The following C12orf42 variants were observed in gnomAD, a reference collection of about 807,000 sequenced individuals.
C12orf42 encodes the protein chromosome 12 open reading frame 42.
Under a neutral mutation model 21.6 loss-of-function variants are expected in C12orf42, and 25 were observed. The ratio of observed to expected loss-of-function variants is 1.16; its 90% CI spans 0.84 to 1.62. The LOEUF is 1.62. Ranked by LOEUF, C12orf42 falls within the 40% of genes most tolerant of loss-of-function variation. The pLI is 0.00. For missense variants in C12orf42, 483 were observed against 459.3 expected (o/e 1.05, Z -0.47); for synonymous variants, 174 against 175.0 (o/e 0.99, Z 0.05).
At chr12:103,176,598 A>G in the C12orf42 span, among the ~76,000 whole-genome samples, 2 of 152,188 alleles carry the variant, frequency 1.3e-5, no homozygotes, top group East Asian at 3.9e-4. Flanking sequence ...CTTTTGTGGT[A>G]TCACTATTAT....
chr12:103,539,545 G>A, the C12orf42 span, among the ~76,000 whole-genome samples: 1 of 151,374 alleles, frequency 6.6e-6, no homozygotes, highest in Non-Finnish European at 1.5e-5. Context: ...TATATCTTAT[G>A]TCATGTATGT....
rs190873407 is a variant in C12orf42 at position 103,346,587 on chromosome 12, T to C, written c.259+22300A>G. ...TGAAATAAAGTGAGTCTCTAGTAGATGTAATTAGCAGAGAAAAGTTGTTAC... is the reference window on the plus strand; with the variant it reads ...TGAAATAAAGTGAGTCTCTAGTAGACGTAATTAGCAGAGAAAAGTTGTTAC... On this transcript the variant is annotated intron_variant, in intron 4 of 5. Transcript: ENST00000548883. Among the ~76,000 whole-genome samples, 79 of 152,306 alleles carry C rather than the reference T, an allele frequency of 5.2e-4. 1 individual carries two copies. The highest frequency in any genetic ancestry group is 1.2e-3 in the Admixed American group (18 of 15,296).
the C12orf42 span, among the ~76,000 whole-genome samples, chr12:103,193,779 A>G: frequency 6.6e-6 from 1 of 152,154 alleles, no homozygotes; most frequent in Admixed American, 6.5e-5. Flanking sequence ...AAAAAGAATT[A>G]ATACCAATCA....
At chr12:103,280,172 T>G (rs972574925) in intron 4 of C12orf42, among the ~76,000 whole-genome samples, 3 of 152,174 alleles carry the variant, frequency 2.0e-5, no homozygotes, top group South Asian at 2.1e-4. Context: ...TTACCCACAT[T>G]TTGTAGGCAA....
At chr12:103,552,152 G>A in the C12orf42 span, among the ~76,000 whole-genome samples, 2 of 152,090 alleles carry the variant, frequency 1.3e-5, no homozygotes, top group Non-Finnish European at 2.9e-5. Flanking sequence ...GTTTGTTATA[G>A]GAACTTATAT....
At chr12:103,546,072 TGA>T in the C12orf42 span, among the ~76,000 whole-genome samples, 1 of 152,144 alleles carries the variant, frequency 6.6e-6, no homozygotes, top group Non-Finnish European at 1.5e-5. Flanking sequence ...GTTTAAACAC[TGA>T]GAGAAAGTAT....
At chr12:103,247,008 TTTA>T (rs1349063623) in intron 10 of C12orf42, among the ~76,000 whole-genome samples, 2 of 152,074 alleles carry the variant, frequency 1.3e-5, no homozygotes, top group African/African-American at 4.8e-5. Flanking sequence ...TTTGCAATAA[TTTA>T]TTTCATTTTA....
intron 1 of C12orf42, among the ~76,000 whole-genome samples, chr12:103,489,405 G>C (rs573406754): frequency 1.1e-4 from 17 of 152,354 alleles, no homozygotes; most frequent in African/African-American, 3.8e-4. Flanking sequence ...CTACACAGGG[G>C]TCAGGGACTC....
the C12orf42 span, among the ~76,000 whole-genome samples, chr12:103,186,349 A>T: frequency 6.6e-6 from 1 of 152,202 alleles, no homozygotes; most frequent in Non-Finnish European, 1.5e-5. Flanking sequence ...GTTTTCCAGG[A>T]GTATTCCTTC....
the C12orf42 span, among the ~76,000 whole-genome samples, chr12:103,228,605 C>A: frequency 6.6e-6 from 1 of 152,062 alleles, no homozygotes; most frequent in Non-Finnish European, 1.5e-5. Context: ...CAGGGCCTTG[C>A]AGGTGAGACT....
chr12:103,130,036 A>C, the C12orf42 span, among the ~76,000 whole-genome samples: 1 of 152,110 alleles, frequency 6.6e-6, no homozygotes, highest in Admixed American at 6.5e-5. Context: ...AAAATTGCCT[A>C]TCCCAAAGAT....
chr12:103,057,961 CTT>C, the C12orf42 span, among the ~76,000 whole-genome samples: 19 of 141,042 alleles, frequency 1.3e-4, no homozygotes, highest in Admixed American at 2.1e-4. Context: ...TGATAATGAG[CTT>C]TTTTTTTTTT....
chr12:103,108,032 A>C, the C12orf42 span, among the ~76,000 whole-genome samples: 1 of 151,524 alleles, frequency 6.6e-6, no homozygotes, highest in African/African-American at 2.4e-5. Context: ...TTAAAGAAAA[A>C]ATAGAAGACA....
intron 5 of C12orf42, among the ~76,000 whole-genome samples, chr12:103,305,497 A>G (rs370646356): frequency 2.0e-5 from 3 of 152,324 alleles, no homozygotes; most frequent in South Asian, 4.1e-4. Flanking sequence ...GAGAGTCGAT[A>G]TTTGAGCACA....
At chr12:103,126,998 A>G in the C12orf42 span, among the ~76,000 whole-genome samples, 3 of 152,228 alleles carry the variant, frequency 2.0e-5, no homozygotes, top group Non-Finnish European at 4.4e-5. Flanking sequence ...TAAAAATTCA[A>G]ATGTGTAACT....
chr12:103,122,722 G>A, the C12orf42 span, among the ~76,000 whole-genome samples: 2 of 152,182 alleles, frequency 1.3e-5, no homozygotes, highest in Non-Finnish European at 2.9e-5. Context: ...AAGGTCTACA[G>A]CAGGGGCAGT....
chr12:103,348,283 G>T (rs2042809195), intron 4 of C12orf42, among the ~76,000 whole-genome samples: 1 of 152,156 alleles, frequency 6.6e-6, no homozygotes, highest in African/African-American at 2.4e-5. Flanking sequence ...AATAATGCTT[G>T]CTGGAGTTGT....
intron 10 of C12orf42, among the ~76,000 whole-genome samples, chr12:103,239,058 A>G (rs2033599348): frequency 6.6e-6 from 1 of 152,040 alleles, no homozygotes; most frequent in South Asian, 2.1e-4. Flanking sequence ...GTTTTTTCTC[A>G]AGGGTATATG....
chr12:103,073,186 G>C, the C12orf42 span, among the ~76,000 whole-genome samples: 1 of 152,068 alleles, frequency 6.6e-6, no homozygotes, highest in South Asian at 2.1e-4. Context: ...GAGGATGGAG[G>C]GTGGGAGGAG....
Sources: gnomAD v4.1 joint callset for allele counts (sites outside exome capture counted in the v4.1 genomes callset) on GRCh38, gnomAD v4.1.1 for gene constraint, MANE v1.5 for transcripts, NCBI Gene and HGNC (gene_info 2026-07-23, HGNC 2026-07-21) for gene names.